Variants in MAP7 observed in about 807,000 individuals in gnomAD.
MAP7 encodes the protein microtubule associated protein 7.
MAP7 carries 52 observed loss-of-function variants against 94.8 expected under a neutral mutation model. The ratio of observed to expected loss-of-function variants is 0.55; its 90% CI spans 0.44 to 0.69. MAP7 has a LOEUF of 0.69. Ranked by LOEUF, MAP7 falls within the 30% of genes least tolerant of loss-of-function variation. The pLI is 0.00. For missense variants in MAP7, 940 were observed against 964.6 expected (o/e 0.97, Z 0.34); for synonymous variants, 350 against 357.0 (o/e 0.98, Z 0.22).
chr6:136,458,971 T>C (rs1048866364), intron 1 of MAP7, among the ~76,000 whole-genome samples: 14 of 152,008 alleles, frequency 9.2e-5, no homozygotes, highest in Non-Finnish European at 1.6e-4. Flanking sequence ...ACCTACAAAA[T>C]GGGGAGAAAA....
chr6:136,451,935 G>A (rs555138905), intron 1 of MAP7, among the ~76,000 whole-genome samples: 152 of 152,316 alleles, frequency 1.0e-3, no homozygotes, highest in South Asian at 2.1e-3. Flanking sequence ...AGTGGCTCAC[G>A]CCTGTAATCC....
chr6:136,361,512 A>C (rs1792761459), intron 11 of MAP7, among the ~76,000 whole-genome samples: 1 of 152,234 alleles, frequency 6.6e-6, no homozygotes, highest in African/African-American at 2.4e-5. Context: ...AATGAATTTG[A>C]AGCACCCCAG....
intron 1 of MAP7, among the ~76,000 whole-genome samples, chr6:136,519,752 G>C (rs1001053509): frequency 1.4e-4 from 22 of 152,224 alleles, no homozygotes; most frequent in Non-Finnish European, 8.8e-5. Context: ...TCAAGGAGAA[G>C]TTGTATTTCT....
intron 1 of MAP7, among the ~76,000 whole-genome samples, chr6:136,545,956 T>C (rs1349664592): frequency 6.6e-6 from 1 of 152,204 alleles, no homozygotes; most frequent in Non-Finnish European, 1.5e-5. Context: ...AATTAAGTTA[T>C]TGACTATAAT....
Position 136,360,769 on chromosome 6 carries a change from T to C in MAP7, c.1731A>G (p.Glu577=). Residue 577 remains glutamate (E), a synonymous_variant, in exon 13 of 18, where the codon GAA becomes GAG. Coordinates refer to ENST00000354570, the MANE Select transcript of MAP7 (RefSeq NM_003980.6). ...CTCGTTCCTGCCGGACCCTCTCTGCTTCTTCACGAACGCGAGCTTCTTCTT... is the reference window on the plus strand; with the variant it reads ...CTCGTTCCTGCCGGACCCTCTCTGCCTCTTCACGAACGCGAGCTTCTTCTT... ...QKEEEARVRE[E]AERVRQEREK... The C allele has an allele frequency of 6.2e-7, 1 of 1,614,078 alleles. No homozygotes were observed. The highest frequency in any genetic ancestry group is 2.2e-5 in the East Asian group (1 of 44,880).
chr6:136,535,013 A>AT (rs1828767135), intron 1 of MAP7, among the ~76,000 whole-genome samples: 1 of 152,114 alleles, frequency 6.6e-6, no homozygotes, highest in Non-Finnish European at 1.5e-5. Context: ...ATTAAACTTT[A>AT]TTTTTTGGTT....
At chr6:136,482,950 G>A (rs964913314) in intron 1 of MAP7, among the ~76,000 whole-genome samples, 1 of 152,088 alleles carries the variant, frequency 6.6e-6, no homozygotes, top group African/African-American at 2.4e-5. Flanking sequence ...TGTATGCAGT[G>A]TCTATTTGAT....
At chr6:136,360,551 T>C (rs1380749684) in intron 13 of MAP7, 146 bp downstream of exon 13, 1 of 696,754 alleles carries the variant, frequency 1.4e-6, no homozygotes, top group East Asian at 2.5e-5. Flanking sequence ...CCGAGAGAGA[T>C]TTCTTTGCAG....
At chr6:136,502,585 A>C (rs1054198615) in intron 1 of MAP7, among the ~76,000 whole-genome samples, 8 of 152,204 alleles carry the variant, frequency 5.3e-5, no homozygotes, top group African/African-American at 1.9e-4. Flanking sequence ...ATTCCTGCAG[A>C]GGACTGGTTT....
At chr6:136,518,481 C>T (rs1332392544) in intron 1 of MAP7, among the ~76,000 whole-genome samples, 1 of 152,170 alleles carries the variant, frequency 6.6e-6, no homozygotes, top group African/African-American at 2.4e-5. Flanking sequence ...ACACTTTGGG[C>T]CTCGGCATCT....
rs571955307 is a variant in MAP7, at chr6:136,392,368, C to T, written c.245-2851G>A. On this transcript the variant is annotated intron_variant, in intron 3 of 17. Transcript: ENST00000354570. ...TTCTGGGATTACAGGCAGGAGCCAC[C>T]GCACCCAGCCTGCATCTTGCTTTTT... 2.2e-3 allele frequency among the ~76,000 whole-genome samples: 333 copies of T among 150,296 alleles called. 1 individual carries two copies. Among genetic ancestry groups the T allele is most frequent in the African/African-American group, 7.7e-3 (317 of 40,916 alleles).
chr6:136,416,137 C>T (rs1789326679), intron 2 of MAP7, among the ~76,000 whole-genome samples: 1 of 152,178 alleles, frequency 6.6e-6, no homozygotes, highest in African/African-American at 2.4e-5. Context: ...GCTGCATTCT[C>T]AATTCCTCGG....
rs9494515 is a variant in MAP7 at position 136,396,716 on chromosome 6, C to T, written c.245-7199G>A. ...TTTGGTCCTGGGTAAATTGCTTAAC[C>T]TCCCTATTCCTCAGTTTTGTCAGGT... On this transcript the variant is annotated intron_variant, in intron 3 of 17. Transcript: ENST00000354570. Among the ~76,000 whole-genome samples, 146 of 152,240 alleles carry T rather than the reference C, an allele frequency of 9.6e-4. 1 individual carries two copies. The highest frequency in any genetic ancestry group is 3.3e-3 in the African/African-American group (139 of 41,562).
intron 1 of MAP7, among the ~76,000 whole-genome samples, chr6:136,462,825 G>A (rs1054441807): frequency 6.6e-6 from 1 of 151,740 alleles, no homozygotes; most frequent in African/African-American, 2.4e-5. Flanking sequence ...AGCTGGACAT[G>A]GTGGTGCATG....
At chr6:136,487,039 C>G (rs1235282545) in intron 1 of MAP7, among the ~76,000 whole-genome samples, 2 of 152,046 alleles carry the variant, frequency 1.3e-5, no homozygotes, top group African/African-American at 4.8e-5. Flanking sequence ...TAAATGCAAA[C>G]TAAAACATAA....
chr6:136,443,449 CTTT>C lies in MAP7; in HGVS notation c.68-21653_68-21651del, dbSNP rs149514831. ...GTTTCTCACATACATTCCCCTTCTA[CTTT>C]TTTTTTTTTTTTTTTTTGAGATGGA... On this transcript the variant is annotated intron_variant, in intron 1 of 17. Coordinates refer to ENST00000354570, the MANE Select transcript of MAP7 (RefSeq NM_003980.6). 6.0e-3 allele frequency among the ~76,000 whole-genome samples: 596 copies of C among 99,902 alleles called. 5 individuals carry two copies. The highest frequency in any genetic ancestry group is 0.011 in the Middle Eastern group (2 of 190). 65.5% of individuals were successfully genotyped at this position (99,902 alleles called of 152,430 possible).
chr6:136,366,897 A>G (rs1794482954), intron 8 of MAP7, among the ~76,000 whole-genome samples: 1 of 152,156 alleles, frequency 6.6e-6, no homozygotes, highest in African/African-American at 2.4e-5. Context: ...AAAAAATTAT[A>G]TGCCTGCTAT....
chr6:136,356,874 T>A lies in MAP7; in HGVS notation c.1913-80A>T, dbSNP rs1328575926. 2.7e-6 allele frequency: 3 copies of A among 1,092,924 alleles called. No individual in the cohort carries two copies. In the African/African-American group the frequency reaches 4.6e-5, roughly 17 times the overall value. 67.7% of individuals were successfully genotyped at this position (1,092,924 alleles called of 1,614,324 possible). On this transcript the variant is annotated intron_variant, in intron 15 of 17. Transcript: ENST00000354570. Reference sequence around the variant, plus strand: ...CTAACCTCCAAGAGCCAGAATGCCTTGATTTATGTGCTGGTTCTGCTACTT... The same window carrying A: ...CTAACCTCCAAGAGCCAGAATGCCTAGATTTATGTGCTGGTTCTGCTACTT...
intron 1 of MAP7, among the ~76,000 whole-genome samples, chr6:136,513,935 C>T (rs1473896360): frequency 2.0e-5 from 3 of 152,116 alleles, no homozygotes; most frequent in African/African-American, 7.2e-5. Context: ...AGTCTGCCAC[C>T]ACTGGACTCT....
Sources: allele counts gnomAD v4.1 joint callset (sites outside exome capture counted in the v4.1 genomes callset), GRCh38; gene constraint gnomAD v4.1.1; transcripts MANE v1.5; gene names NCBI Gene and HGNC (gene_info 2026-07-23, HGNC 2026-07-21).